The following PARD3B variants were observed in gnomAD, a reference collection of about 807,000 sequenced individuals.
PARD3B encodes par-3 family cell polarity regulator beta.
Under a neutral mutation model 130.2 loss-of-function variants are expected in PARD3B, and 103 were observed. That is an observed-to-expected ratio of 0.79 (90% CI 0.67 to 0.93). The LOEUF (loss-of-function observed/expected upper bound fraction) is 0.93, where lower values mean the gene tolerates loss of function less well. PARD3B is among the 40% of genes least tolerant of loss of function. PARD3B has a pLI of 0.00. For synonymous variants in PARD3B, 583 were observed against 553.2 expected, an observed-to-expected ratio of 1.05 and a Z score of -0.76; for missense variants, 1,609 against 1,499.2, an observed-to-expected ratio of 1.07 and a Z score of -1.21.
In PARD3B at chr2:205,241,156, G is replaced by A. The variant is rs1360334941; in HGVS notation, c.2141-4622G>A. ...GAGAATTAGAAACATAGGCCATCAG[G>A]CTGCTGTTTCTCAAACAAGTCTTCC... On this transcript the variant is annotated intron_variant, in intron 15 of 22. Coordinates refer to ENST00000406610, the MANE Select transcript of PARD3B (RefSeq NM_001302769.2). The surrounding 1 kb of genome is among the most constrained non-coding windows in gnomAD (Gnocchi z 4.2). Among the ~76,000 whole-genome samples the A allele has an allele frequency of 2.0e-5, 3 of 152,168 alleles. No homozygotes were observed. The East Asian group carries it at 5.8e-4, about 29-fold the overall frequency.
intron 18 of PARD3B, among the ~76,000 whole-genome samples, chr2:205,365,026 C>G (rs923986336): frequency 6.6e-6 from 1 of 151,758 alleles, no homozygotes; most frequent in African/African-American, 2.4e-5. Context: ...ATGGTGAAAC[C>G]CCGTCTCTAC....
intron 18 of PARD3B, among the ~76,000 whole-genome samples, chr2:205,391,776 A>G (rs2045867803): frequency 6.6e-6 from 1 of 152,180 alleles, no homozygotes; most frequent in African/African-American, 2.4e-5. Flanking sequence ...ATCATACCTT[A>G]TTAGTATCTT....
At chr2:204,612,983 G>A (rs1169572386) in intron 1 of PARD3B, among the ~76,000 whole-genome samples, 3 of 151,946 alleles carry the variant, frequency 2.0e-5, no homozygotes, top group Non-Finnish European at 4.4e-5. Flanking sequence ...TCAGTATTCA[G>A]TTTTTGTATT....
intron 3 of PARD3B, among the ~76,000 whole-genome samples, chr2:204,968,502 C>T (rs985713339): frequency 3.3e-5 from 5 of 152,182 alleles, no homozygotes; most frequent in African/African-American, 1.2e-4. Context: ...TTCCTCTCTG[C>T]CCACCTTTAT....
intron 10 of PARD3B, among the ~76,000 whole-genome samples, chr2:205,138,495 A>G (rs1346419139): frequency 1.3e-5 from 2 of 152,236 alleles, no homozygotes; most frequent in Non-Finnish European, 2.9e-5. Context: ...TTAGTTGTAT[A>G]GATGTTGATA....
chr2:205,538,029 C>T (rs2051941338), intron 21 of PARD3B, among the ~76,000 whole-genome samples: 1 of 152,040 alleles, frequency 6.6e-6, no homozygotes, highest in South Asian at 2.1e-4. Context: ...TTACTTTTTT[C>T]ATTTAGTTGA....
rs2046970629 is a variant in PARD3B at position 205,421,439 on chromosome 2, C to G, written c.2742-18931C>G. On this transcript the variant is annotated intron_variant, in intron 19 of 22. Coordinates refer to ENST00000406610, the MANE Select transcript of PARD3B (RefSeq NM_001302769.2). The surrounding 1 kb of genome is among the most constrained non-coding windows in gnomAD (Gnocchi z 5.1). The stretch of plus-strand genomic sequence containing the variant: ...CACTGTATTCCATTTTTAATCTCCT[C>G]AAGACACACAGTAGAAAAGCTGCCA... Among the ~76,000 whole-genome samples, 2 of 152,154 alleles carry G rather than the reference C, an allele frequency of 1.3e-5. No individual in the cohort carries two copies. Among genetic ancestry groups the G allele is most frequent in the Non-Finnish European group, 2.9e-5 (2 of 68,026 alleles).
At chr2:205,357,189 G>A (rs2044225947) in intron 18 of PARD3B, among the ~76,000 whole-genome samples, 2 of 152,182 alleles carry the variant, frequency 1.3e-5, no homozygotes, top group South Asian at 2.1e-4. Flanking sequence ...GTTGTGGGAG[G>A]AGAGAAGGAC....
chr2:205,557,911 A>G (rs13404071), intron 22 of PARD3B, among the ~76,000 whole-genome samples: 4,706 of 151,960 alleles, frequency 0.031, 253 homozygotes, highest in African/African-American at 0.11. Context: ...CCTGCCTACT[A>G]TCATAGATGC....
intron 21 of PARD3B, among the ~76,000 whole-genome samples, chr2:205,507,188 G>A (rs1161844646): frequency 2.4e-5 from 3 of 124,158 alleles, no homozygotes; most frequent in Non-Finnish European, 3.4e-5. Flanking sequence ...TGGCCAGACA[G>A]GTGCAGTATT....
chr2:204,553,504 C>G (rs2030622554), intron 1 of PARD3B, among the ~76,000 whole-genome samples: 1 of 149,274 alleles, frequency 6.7e-6, no homozygotes, highest in South Asian at 2.1e-4. Flanking sequence ...ACCCAAATGC[C>G]CACCAGTCAA....
At chr2:205,400,674 A>G (rs910900732) in intron 18 of PARD3B, among the ~76,000 whole-genome samples, 3 of 151,860 alleles carry the variant, frequency 2.0e-5, no homozygotes, top group African/African-American at 7.3e-5. Flanking sequence ...AGAAAGTCCT[A>G]CCTCTAAGCA....
chr2:205,087,343 C>G (rs958600789), intron 4 of PARD3B, among the ~76,000 whole-genome samples: 1 of 152,158 alleles, frequency 6.6e-6, no homozygotes, highest in Non-Finnish European at 1.5e-5. Flanking sequence ...AATGTACTTT[C>G]CATAAATTAG....
intron 4 of PARD3B, among the ~76,000 whole-genome samples, chr2:205,062,260 T>G (rs1323055124): frequency 6.6e-6 from 1 of 152,060 alleles, no homozygotes; most frequent in African/African-American, 2.4e-5. Context: ...TTCGTTGAGG[T>G]CGTAATGAAA....
At chr2:205,103,605 C>T (rs979260980) in intron 4 of PARD3B, 2 of 604,202 alleles carry the variant, frequency 3.3e-6, no homozygotes, top group Non-Finnish European at 4.1e-6. Flanking sequence ...TTTGATGAAA[C>T]CGGAGTCCAC....
intron 21 of PARD3B, among the ~76,000 whole-genome samples, chr2:205,506,559 A>T (rs1482127946): frequency 6.6e-6 from 1 of 152,190 alleles, no homozygotes; most frequent in Non-Finnish European, 1.5e-5. Flanking sequence ...CACTTGGAGG[A>T]AAGAGAAAAC....
chr2:205,151,357 C>A (rs1575969863), intron 10 of PARD3B, among the ~76,000 whole-genome samples: 1 of 152,212 alleles, frequency 6.6e-6, no homozygotes, highest in South Asian at 2.1e-4. Flanking sequence ...GTGTTGACAG[C>A]AGGGTGTTAA....
chr2:205,229,062 G>A lies in PARD3B; in HGVS notation c.2141-16716G>A, dbSNP rs973612271. Among the ~76,000 whole-genome samples the A allele has an allele frequency of 6.6e-6, 1 of 152,136 alleles. No individual in the cohort carries two copies. Among genetic ancestry groups the A allele is most frequent in the Non-Finnish European group, 1.5e-5 (1 of 68,020 alleles). On this transcript the variant is annotated intron_variant, in intron 15 of 22. Coordinates refer to ENST00000406610, the MANE Select transcript of PARD3B (RefSeq NM_001302769.2). The surrounding 1 kb of genome is among the most constrained non-coding windows in gnomAD (Gnocchi z 5.2). ...CCTCAAAACAGCTATTTTGAATTCT[G>A]TATCTGAAAGGTCACTTATGTCTGT...
chr2:205,078,556 C>T lies in PARD3B; in HGVS notation c.505-25870C>T, dbSNP rs939452951. 7.2e-5 allele frequency among the ~76,000 whole-genome samples: 11 copies of T among 152,080 alleles called. No individual in the cohort carries two copies. Among genetic ancestry groups the T allele is most frequent in the Non-Finnish European group, 1.3e-4 (9 of 68,006 alleles). On this transcript the variant is annotated intron_variant, in intron 4 of 22. Transcript: ENST00000406610. This position sits in a 1 kb window ranked among gnomAD's most constrained non-coding sequence, Gnocchi z 4.0. ...ATTAATTTAAACTTGTAGTATTTTG[C>T]TTAAATTCATGTAATTTTTTTAATC...
Sources: allele counts gnomAD v4.1 joint callset (sites outside exome capture counted in the v4.1 genomes callset), GRCh38; gene constraint gnomAD v4.1.1; non-coding constraint Gnocchi (gnomAD v3.1); transcripts MANE v1.5; gene names NCBI Gene and HGNC (gene_info 2026-07-23, HGNC 2026-07-21).